The following THOC1 variants were observed in gnomAD, a reference collection of about 807,000 sequenced individuals.
The protein encoded by THOC1 is THO complex 1.
Under a neutral mutation model 97.3 loss-of-function variants are expected in THOC1, and 29 were observed. That is an observed-to-expected ratio of 0.30 (90% CI 0.22 to 0.41). The LOEUF is 0.41. Among genes scored for constraint, THOC1 ranks in the 10% least tolerant of loss-of-function variants. The pLI is 1.00. For synonymous variants in THOC1, 255 were observed against 257.0 expected (o/e 0.99, Z 0.07); for missense variants, 529 against 761.9 (o/e 0.69, Z 3.60).
Position 265,524 on chromosome 18 carries a change from T to G in THOC1, c.61A>C (p.Thr21Pro). The G allele has an allele frequency of 6.3e-7, 1 of 1,575,552 alleles. No homozygotes were observed. Among genetic ancestry groups the G allele is most frequent in the Non-Finnish European group, 8.6e-7 (1 of 1,162,364 alleles). ...PEARTRFTKS[T>P]REALNNKNIK... Reference sequence around the variant, plus strand: ...TTTTTGTTGTTCAAGGCCTCTCTGGTAGACTTCTAAAAAAAAATTAAAATG... The same window carrying G: ...TTTTTGTTGTTCAAGGCCTCTCTGGGAGACTTCTAAAAAAAAATTAAAATG... Residue 21 changes from threonine (T) to proline (P), a missense_variant, in exon 2 of 21, where the codon ACC becomes CCC. Thr to Pro is a conservative substitution (Grantham distance 38). Transcript: ENST00000261600.
Position 223,426 on chromosome 18 carries a change from A to G in THOC1, c.1370+14T>C, listed in dbSNP as rs749138700. ...GACAAAAGCAACACTTCATTTGAAA[A>G]ATGTTCAACTTGCCTTGTCTCTGAT... On this transcript the variant is annotated intron_variant, in intron 17 of 20. Transcript: ENST00000261600. The G allele has an allele frequency of 8.8e-5, 136 of 1,550,674 alleles. No homozygotes were observed. The highest frequency in any genetic ancestry group is 1.1e-4 in the Non-Finnish European group (127 of 1,145,934).
intron 5 of THOC1, 158 bp from the exon 6 acceptor site, chr18:259,888 A>G: frequency 3.6e-6 from 2 of 552,284 alleles, no homozygotes; most frequent in Non-Finnish European, 6.2e-6. Flanking sequence ...TCAATGAAAT[A>G]AAAATATTTT....
chr18:263,916 G>T, intron 4 of THOC1, 110 bp downstream of exon 4: 1 of 819,234 alleles, frequency 1.2e-6, no homozygotes, highest in South Asian at 1.9e-5. Context: ...GGCAGAACTT[G>T]AAGAATAAAC....
At chr18:262,640 A>T (rs905357095) in intron 4 of THOC1, among the ~76,000 whole-genome samples, 1 of 152,228 alleles carries the variant, frequency 6.6e-6, no homozygotes, top group African/African-American at 2.4e-5. Flanking sequence ...AAGGAATATT[A>T]CATTGTGGGA....
intron 11 of THOC1, chr18:244,194 C>T (rs1334732769): frequency 2.0e-5 from 3 of 151,948 alleles, no homozygotes; most frequent in African/African-American, 7.3e-5. Flanking sequence ...AGTTAAGTTC[C>T]ACGTTAATAA....
rs376872858 is a variant in THOC1, at chr18:259,281, A to G, written c.425-6T>C. On this transcript the variant is annotated splice_polypyrimidine_tract_variant and splice_region_variant and intron_variant, in intron 6 of 20. Coordinates refer to ENST00000261600, the MANE Select transcript of THOC1 (RefSeq NM_005131.3). ...AGACAATCTTCTTAGGAGATCTAAC[A>G]ATATATGAAAATGAACGTTACACAG... 110 of 1,584,770 alleles carry G rather than the reference A, an allele frequency of 6.9e-5. No individual in the cohort carries two copies. In the African/African-American group the frequency reaches 1.3e-3, roughly 19 times the overall value.
chr18:216,589 A>T lies in THOC1; in HGVS notation c.1499T>A (p.Leu500Ter). The change falls in exon 19 of 21, where the codon TTA becomes TAA. Residue 500 changes from leucine (L) to a stop codon, truncating the protein, a stop_gained. Coordinates refer to ENST00000261600, the MANE Select transcript of THOC1 (RefSeq NM_005131.3). LOFTEE classifies it high-confidence loss of function. ...SNYGWRALRL[L>*]ARRSPHFFQP... The stretch of plus-strand genomic sequence containing the variant: ...GAAGAAGTGAGGGCTTCTCCGTGCT[A>T]ATAGTCTCAGGGCTCTCCAACCATA... The T allele has an allele frequency of 6.2e-7, 1 of 1,613,954 alleles. No homozygotes were observed. The highest frequency in any genetic ancestry group is 8.5e-7 in the Non-Finnish European group (1 of 1,179,876).
intron 11 of THOC1, among the ~76,000 whole-genome samples, chr18:244,112 C>T (rs1912005761): frequency 6.6e-6 from 1 of 152,128 alleles, no homozygotes; most frequent in South Asian, 2.1e-4. Flanking sequence ...CTGAAGATTA[C>T]AAGGACTGCC....
intron 11 of THOC1, among the ~76,000 whole-genome samples, chr18:233,530 G>C (rs1054604085): frequency 6.6e-6 from 1 of 152,234 alleles, no homozygotes; most frequent in African/African-American, 2.4e-5. Flanking sequence ...AGGCTGCGAT[G>C]AGCCAAGATC....
intron 18 of THOC1, 109 bp from the exon 19 acceptor site, chr18:216,742 G>A (rs1020174367): frequency 1.5e-6 from 2 of 1,338,802 alleles, no homozygotes; most frequent in African/African-American, 1.5e-5. Context: ...AGCTCAAAGT[G>A]CCATTCTTTG....
chr18:267,917 A>C, intron 1 of THOC1, 49 bp downstream of exon 1: 1 of 1,558,506 alleles, frequency 6.4e-7, no homozygotes, highest in South Asian at 1.2e-5. Flanking sequence ...GGAGAAGAGG[A>C]CAAAGCATAG....
intron 4 of THOC1, among the ~76,000 whole-genome samples, chr18:261,808 A>C (rs1912615321): frequency 6.6e-6 from 1 of 152,242 alleles, no homozygotes; most frequent in African/African-American, 2.4e-5. Flanking sequence ...TTCTACTGCC[A>C]AAATTCTGAG....
intron 5 of THOC1, 147 bp downstream of exon 5, chr18:260,039 C>T (rs892532093): frequency 1.6e-5 from 9 of 560,754 alleles, no homozygotes; most frequent in East Asian, 1.0e-4. Flanking sequence ...TTGGCTCTCC[C>T]GAGAGAGCAG....
At chr18:216,315 G>A in intron 19 of THOC1, 171 bp downstream of exon 19, 1 of 717,666 alleles carries the variant, frequency 1.4e-6, no homozygotes, top group Non-Finnish European at 2.3e-6. Context: ...ATCAACTCAT[G>A]TATTTCCTGT....
rs575271447 is a variant in THOC1 at position 255,984 on chromosome 18, G to A, written c.521-1629C>T. On this transcript the variant is annotated intron_variant, in intron 7 of 20. Transcript: ENST00000261600. ...CTGACAATTTTAAGGCCACTGTTGAGACTTAACTGCTCAGAAAAAAAGATT... is the reference window on the plus strand; with the variant it reads ...CTGACAATTTTAAGGCCACTGTTGAAACTTAACTGCTCAGAAAAAAAGATT... Among the ~76,000 whole-genome samples, 5 of 152,312 alleles carry A rather than the reference G, an allele frequency of 3.3e-5. No individual in the cohort carries two copies. The East Asian group carries it at 9.6e-4, about 29-fold the overall frequency.
At chr18:247,053 A>G (rs2143253180) in intron 10 of THOC1, among the ~76,000 whole-genome samples, 1 of 152,286 alleles carries the variant, frequency 6.6e-6, no homozygotes, top group South Asian at 2.1e-4. Context: ...ACTCTTACGC[A>G]TTTCTTGTGC....
intron 5 of THOC1, 54 bp downstream of exon 5, chr18:260,132 A>G: frequency 8.4e-7 from 1 of 1,188,754 alleles, no homozygotes; most frequent in African/African-American, 1.6e-5. Context: ...TACCCTCAGA[A>G]TTCTGGATCT....
chr18:261,355 G>C (rs1912599804), intron 4 of THOC1, among the ~76,000 whole-genome samples: 1 of 152,150 alleles, frequency 6.6e-6, no homozygotes, highest in Admixed American at 6.5e-5. Flanking sequence ...GCCCAAAACA[G>C]TGCATTAATA....
chr18:242,351 G>A lies in THOC1; in HGVS notation c.918+3973C>T, dbSNP rs1911935053. On this transcript the variant is annotated intron_variant, in intron 11 of 20. Transcript: ENST00000261600. The surrounding 1 kb of genome is among the most constrained non-coding windows in gnomAD (Gnocchi z 4.5). ...AAATTGGCCAGGCGTGGTGTTGGGC[G>A]CCTGTAATCCCAGCTACTTGGGAGG... Among the ~76,000 whole-genome samples the A allele has an allele frequency of 1.3e-5, 2 of 151,670 alleles. No homozygotes were observed. Among genetic ancestry groups the A allele is most frequent in the East Asian group, 1.9e-4 (1 of 5,154 alleles).
Sources: allele counts gnomAD v4.1 joint callset (sites outside exome capture counted in the v4.1 genomes callset), GRCh38; gene constraint gnomAD v4.1.1; non-coding constraint Gnocchi (gnomAD v3.1); transcripts MANE v1.5; gene names NCBI Gene and HGNC (gene_info 2026-07-23, HGNC 2026-07-21).